Variants in KSR1 observed in about 807,000 individuals in gnomAD.
The protein encoded by KSR1 is kinase suppressor of ras 1, also known as kinase suppressor of ras.
In KSR1, 35 loss-of-function variants were observed where a neutral mutation model predicts 92.9. The observed-to-expected ratio is 0.38, with a 90% CI of 0.29 to 0.50. The LOEUF (loss-of-function observed/expected upper bound fraction) is 0.50, where lower values mean the gene tolerates loss of function less well. KSR1 is among the 20% of genes least tolerant of loss of function. KSR1 has a pLI of 0.94. For synonymous variants in KSR1, 467 were observed against 472.6 expected, an observed-to-expected ratio of 0.99 and a Z score of 0.15; for missense variants, 972 against 1,158.5, an observed-to-expected ratio of 0.84 and a Z score of 2.34.
intron 1 of KSR1, among the ~76,000 whole-genome samples, chr17:27,475,321 G>A (rs1012626080): frequency 1.3e-5 from 2 of 152,242 alleles, no homozygotes; most frequent in African/African-American, 4.8e-5. Context: ...GAGAGGTGCT[G>A]TGTTTATGTG....
chr17:27,550,836 G>A (rs2071372607), intron 2 of KSR1, 128 bp downstream of exon 2: 3 of 622,200 alleles, frequency 4.8e-6, no homozygotes, highest in South Asian at 1.8e-5. Context: ...TTGAGAAGGA[G>A]GATGGGGAGG....
intron 1 of KSR1, among the ~76,000 whole-genome samples, chr17:27,497,494 C>T (rs545239163): frequency 3.3e-5 from 5 of 152,304 alleles, no homozygotes; most frequent in African/African-American, 1.2e-4. Flanking sequence ...AGGAGAAAGT[C>T]TGAATGTGAC....
chr17:27,601,275 C>T (rs1258761794), intron 10 of KSR1, 85 bp from the exon 11 acceptor site: 7 of 1,222,852 alleles, frequency 5.7e-6, no homozygotes, highest in African/African-American at 4.5e-5. Context: ...AAGTCCCTGC[C>T]TCCCAAGCCG....
intron 1 of KSR1, among the ~76,000 whole-genome samples, chr17:27,508,184 G>C (rs902125645): frequency 6.6e-6 from 1 of 152,202 alleles, no homozygotes; most frequent in African/African-American, 2.4e-5. Flanking sequence ...GGGAGCTTCT[G>C]TTGGGGTGGA....
chr17:27,601,468 C>T, intron 11 of KSR1, 67 bp downstream of exon 11: 1 of 1,386,208 alleles, frequency 7.2e-7, no homozygotes, highest in Non-Finnish European at 1.0e-6. Context: ...CCCACCTGGG[C>T]AGGGCGCCCT....
In KSR1 at chr17:27,594,180, T is replaced by C. The variant is rs548031460; in HGVS notation, c.1299+1554T>C. Among the ~76,000 whole-genome samples, 6 of 152,308 alleles carry C rather than the reference T, an allele frequency of 3.9e-5. No homozygotes were observed. The South Asian group carries it at 1.2e-3, about 32-fold the overall frequency. On this transcript the variant is annotated intron_variant, in intron 9 of 20. Coordinates refer to ENST00000644974, the MANE Select transcript of KSR1 (RefSeq NM_001394583.1). Reference sequence around the variant, plus strand: ...CCTCTCTGAGCCTCACTTTCTGCTTTGTAAATTGGGGTTACTAATGCTTCA... The same window carrying C: ...CCTCTCTGAGCCTCACTTTCTGCTTCGTAAATTGGGGTTACTAATGCTTCA...
chr17:27,530,501 A>G (rs2070492965), intron 1 of KSR1, among the ~76,000 whole-genome samples: 1 of 151,938 alleles, frequency 6.6e-6, no homozygotes, highest in East Asian at 1.9e-4. Context: ...AGCCGACCTT[A>G]GTGGTGAGGC....
At chr17:27,563,136 A>G (rs921267079) in intron 2 of KSR1, among the ~76,000 whole-genome samples, 5 of 152,146 alleles carry the variant, frequency 3.3e-5, no homozygotes, top group Non-Finnish European at 7.4e-5. Flanking sequence ...GGACTGTTGC[A>G]GTTTCCCCAT....
At chr17:27,496,244 G>A (rs2068981607) in intron 1 of KSR1, among the ~76,000 whole-genome samples, 1 of 152,166 alleles carries the variant, frequency 6.6e-6, no homozygotes, top group African/African-American at 2.4e-5. Context: ...CTCATCTCCA[G>A]CCACCCAGAT....
intron 1 of KSR1, among the ~76,000 whole-genome samples, chr17:27,492,113 G>C (rs184785115): frequency 1.2e-4 from 19 of 152,320 alleles, no homozygotes; most frequent in African/African-American, 4.6e-4. Context: ...TTAGTTGCAC[G>C]TTGGGAGGTG....
intron 2 of KSR1, among the ~76,000 whole-genome samples, chr17:27,562,278 G>A (rs1174924759): frequency 2.0e-5 from 3 of 152,270 alleles, no homozygotes; most frequent in Non-Finnish European, 2.9e-5. Flanking sequence ...TGCCTGGCAT[G>A]TGGTGGGTTT....
rs1398190365 is a variant in KSR1 at position 27,625,166 on chromosome 17, C to T, written c.*1774C>T. On this transcript the variant is annotated 3_prime_UTR_variant, in exon 21 of 21. Transcript: ENST00000644974. The stretch of plus-strand genomic sequence containing the variant: ...ATCACGTGTGTCTCCAGCCTTTCAC[C>T]TTTCTATTGCAATGGTGGCCTTTGT... The T allele has an allele frequency of 6.6e-6, 1 of 152,266 alleles. No homozygotes were observed. Among genetic ancestry groups the T allele is most frequent in the Non-Finnish European group, 1.5e-5 (1 of 68,086 alleles). 9.4% of individuals were successfully genotyped at this position (152,266 alleles called of 1,614,324 possible). A position where few individuals can be genotyped will look rare whatever the true frequency, so the allele number is the denominator to read the frequency against.
chr17:27,496,108 C>A (rs2068977590), intron 1 of KSR1, among the ~76,000 whole-genome samples: 2 of 152,198 alleles, frequency 1.3e-5, no homozygotes, highest in South Asian at 4.1e-4. Flanking sequence ...CATTATGAAT[C>A]TCTTTTGGCC....
intron 1 of KSR1, among the ~76,000 whole-genome samples, chr17:27,536,003 C>T (rs543895200): frequency 6.6e-6 from 1 of 152,348 alleles, no homozygotes; most frequent in East Asian, 1.9e-4. Context: ...TCTCCCATTG[C>T]TTTCTGTCTG....
intron 1 of KSR1, among the ~76,000 whole-genome samples, chr17:27,476,879 A>G (rs2068362969): frequency 2.6e-5 from 4 of 152,204 alleles, no homozygotes; most frequent in Admixed American, 1.3e-4. Flanking sequence ...TCATGCAAGA[A>G]AGAATTCAGG....
intron 1 of KSR1, among the ~76,000 whole-genome samples, chr17:27,533,477 G>C (rs1416941091): frequency 1.3e-5 from 2 of 151,530 alleles, no homozygotes; most frequent in Non-Finnish European, 2.9e-5. Context: ...TCTGCCTCCC[G>C]GGTTCATGCA....
intron 2 of KSR1, among the ~76,000 whole-genome samples, chr17:27,562,670 T>C (rs931351780): frequency 4.6e-5 from 7 of 152,230 alleles, no homozygotes; most frequent in South Asian, 2.1e-4. Flanking sequence ...CCAGATATCA[T>C]TGGGAAACAT....
At chr17:27,513,646 G>A (rs1243881050) in intron 1 of KSR1, among the ~76,000 whole-genome samples, 1 of 152,192 alleles carries the variant, frequency 6.6e-6, no homozygotes, top group African/African-American at 2.4e-5. Context: ...ACTGTCCTAT[G>A]TCTATACCCC....
intron 1 of KSR1, among the ~76,000 whole-genome samples, chr17:27,463,024 T>C (rs1443020080): frequency 6.6e-6 from 1 of 152,246 alleles, no homozygotes; most frequent in Non-Finnish European, 1.5e-5. Context: ...CTTTTATAAA[T>C]GGTGCTGCAA....
Sources: allele counts gnomAD v4.1 joint callset (sites outside exome capture counted in the v4.1 genomes callset), GRCh38; gene constraint gnomAD v4.1.1; transcripts MANE v1.5; gene names NCBI Gene and HGNC (gene_info 2026-07-23, HGNC 2026-07-21).